NFKBIL1: variants seen among roughly 807,000 people sequenced by gnomAD.
NFKBIL1 encodes NFKB inhibitor like 1, also known as NF-kappa-B inhibitor-like protein 1.
In NFKBIL1, 30 loss-of-function variants were observed where a neutral mutation model predicts 45.4. The ratio of observed to expected loss-of-function variants is 0.66; its 90% CI spans 0.49 to 0.90. The LOEUF (loss-of-function observed/expected upper bound fraction) is 0.90, where lower values mean the gene tolerates loss of function less well. Among genes scored for constraint, NFKBIL1 ranks in the 40% least tolerant of loss-of-function variants. The pLI, the probability that NFKBIL1 is intolerant of heterozygous loss-of-function variation, is 0.00. For synonymous variants in NFKBIL1, 179 were observed against 197.3 expected (o/e 0.91, Z 0.78); for missense variants, 434 against 513.4 (o/e 0.85, Z 1.49).
At chr6:31,549,494 C>T (rs933786923) in intron 2 of NFKBIL1, among the ~76,000 whole-genome samples, 1 of 149,498 alleles carries the variant, frequency 6.7e-6, no homozygotes, top group Non-Finnish European at 1.5e-5. Flanking sequence ...TCAGGTGATC[C>T]ACCAACCTCA....
intron 2 of NFKBIL1, among the ~76,000 whole-genome samples, chr6:31,551,957 C>T (rs920080833): frequency 1.3e-5 from 2 of 151,956 alleles, no homozygotes; most frequent in African/African-American, 2.4e-5. Flanking sequence ...CCACCATGCC[C>T]GACTAACTTT....
intron 2 of NFKBIL1, among the ~76,000 whole-genome samples, chr6:31,556,084 C>T (rs985921067): frequency 1.4e-4 from 22 of 152,108 alleles, no homozygotes; most frequent in African/African-American, 5.3e-4. Context: ...GAATGTAAAC[C>T]TCCCATGCAA....
Position 31,548,211 on chromosome 6 carries a change from C to G in NFKBIL1, c.106C>G (p.Arg36Gly). Residue 36 changes from arginine to glycine, a missense_variant, in exon 2 of 4, where the codon CGC (arginine) becomes GGC (glycine). Coordinates refer to ENST00000376148, the MANE Select transcript of NFKBIL1 (RefSeq NM_005007.4). ...STSRRQRRERRFRRYLSAGRL... is the reference protein window; with the variant it reads ...STSRRQRRERGFRRYLSAGRL... ...TTCCCGCCGCCAACGCCGAGAACGT[C>G]GCTTTCGTCGTTACTTGTCTGCAGG... The G allele has an allele frequency of 6.2e-7, 1 of 1,613,158 alleles. No individual in the cohort carries two copies. The highest frequency in any genetic ancestry group is 8.5e-7 in the Non-Finnish European group (1 of 1,180,038).
intron 1 of NFKBIL1, among the ~76,000 whole-genome samples, 191 bp downstream of exon 1, chr6:31,547,942 T>C (rs111563849): frequency 6.6e-6 from 1 of 152,092 alleles, no homozygotes; most frequent in Non-Finnish European, 1.5e-5. Flanking sequence ...GAATTTTACA[T>C]TAAAAAAATT....
intron 2 of NFKBIL1, among the ~76,000 whole-genome samples, chr6:31,554,825 A>G (rs1254616960): frequency 6.6e-6 from 1 of 152,240 alleles, no homozygotes; most frequent in Non-Finnish European, 1.5e-5. Context: ...TTTTTGAAAC[A>G]AAGTCTATCG....
chr6:31,554,460 G>T (rs916801011), intron 2 of NFKBIL1, among the ~76,000 whole-genome samples: 3 of 151,850 alleles, frequency 2.0e-5, no homozygotes, highest in Non-Finnish European at 1.5e-5. Flanking sequence ...GAAAATGTTT[G>T]CAATATGTAT....
rs746967069 is a variant in NFKBIL1, at chr6:31,557,610, C to T, written c.335-18C>T. 11 of 1,490,070 alleles carry T rather than the reference C, an allele frequency of 7.4e-6. No individual in the cohort carries two copies. The highest frequency in any genetic ancestry group is 9.8e-6 in the Non-Finnish European group (11 of 1,116,952). 92.3% of individuals were successfully genotyped at this position (1,490,070 alleles called of 1,614,324 possible). On this transcript the variant is annotated intron_variant, in intron 2 of 3. Transcript: ENST00000376148. This position sits in a 1 kb window ranked among gnomAD's most constrained non-coding sequence, Gnocchi z 5.4. ...GGGAGTCCCAGCTAACTTCTGCTCC[C>T]TGCTCTCCCACCAACAGCCTACACC...
intron 2 of NFKBIL1, among the ~76,000 whole-genome samples, chr6:31,552,092 C>T (rs1238201030): frequency 5.9e-5 from 9 of 151,934 alleles, no homozygotes; most frequent in Non-Finnish European, 1.3e-4. Flanking sequence ...CCACCATGCC[C>T]GACCTAATTT....
At chr6:31,549,472 G>A (rs922565435) in intron 2 of NFKBIL1, among the ~76,000 whole-genome samples, 54 of 149,316 alleles carry the variant, frequency 3.6e-4, no homozygotes, top group Non-Finnish European at 6.8e-4. Context: ...AGCTGATCTC[G>A]AATGCCTGAC....
chr6:31,555,594 C>CCTCTCT (rs1219556919), intron 2 of NFKBIL1, among the ~76,000 whole-genome samples: 10 of 142,140 alleles, frequency 7.0e-5, no homozygotes, highest in African/African-American at 2.3e-4. Flanking sequence ...ATTATCTGAT[C>CCTCTCT]CTCTCTCTCT....
In NFKBIL1 at chr6:31,548,455, G is replaced by A. The variant is rs1769242149; in HGVS notation, c.334+16G>A. 6.7e-7 allele frequency: 1 copy of A among 1,491,748 alleles called. No homozygotes were observed. Among genetic ancestry groups the A allele is most frequent in the Non-Finnish European group, 8.9e-7 (1 of 1,127,796 alleles). The allele number at this position is 1,491,748 out of a possible 1,614,324, so 92.4% of individuals were successfully genotyped here. A position where few individuals can be genotyped will look rare whatever the true frequency, so the allele number is the denominator to read the frequency against. ...GGCCCAGATGGTGAGTCTGCTCAGT[G>A]GGGAACAAGGTCATAAGCAGCTGAC... On this transcript the variant is annotated intron_variant, in intron 2 of 3. Transcript: ENST00000376148.
chr6:31,547,591 G>C, upstream of NFKBIL1: 1 of 710,632 alleles, frequency 1.4e-6, no homozygotes, highest in Non-Finnish European at 2.3e-6. Flanking sequence ...ATTTCCTCCA[G>C]CCTGGAGTGT....
rs764486593 is a variant in NFKBIL1 at position 31,547,644 on chromosome 6, G to A, written c.-51G>A. Reference sequence around the variant, plus strand: ...CCCGTCTCCGAGCTTCTTAAACACAGGCCTTGGGCCTACGGCTCTGGGGGT... The same window carrying A: ...CCCGTCTCCGAGCTTCTTAAACACAAGCCTTGGGCCTACGGCTCTGGGGGT... On this transcript the variant is annotated 5_prime_UTR_variant, in exon 1 of 4. Coordinates refer to ENST00000376148, the MANE Select transcript of NFKBIL1 (RefSeq NM_005007.4). The A allele has an allele frequency of 1.4e-6, 2 of 1,393,766 alleles. No homozygotes were observed. Among genetic ancestry groups the A allele is most frequent in the Non-Finnish European group, 2.0e-6 (2 of 995,988 alleles). 86.3% of individuals were successfully genotyped at this position (1,393,766 alleles called of 1,614,324 possible). A position where few individuals can be genotyped will look rare whatever the true frequency, so the allele number is the denominator to read the frequency against.
At position 31,548,415 on chromosome 6, in the gene NFKBIL1, G is replaced by T; in HGVS notation, c.310G>T (p.Ala104Ser). 6.6e-7 allele frequency: 1 copy of T among 1,513,258 alleles called. No individual in the cohort carries two copies. The highest frequency in any genetic ancestry group is 1.3e-5 in the South Asian group (1 of 77,096). The allele number at this position is 1,513,258 out of a possible 1,614,324, so 93.7% of individuals were successfully genotyped here. A position where few individuals can be genotyped will look rare whatever the true frequency, so the allele number is the denominator to read the frequency against. ...CCGCCATGGGGACACGGCACTGCAT[G>T]CTGCTGCCCGCCAGGGCCCAGATGG... ...QDRHGDTALH[A>S]AARQGPDAYT... Residue 104 changes from alanine to serine, a missense_variant, in exon 2 of 4, where the codon GCT (alanine) becomes TCT (serine). Ala to Ser is a moderately conservative substitution (Grantham distance 99, BLOSUM62 1). This residue lies in a region of NFKBIL1 where 231 missense variants were observed against 264.1 expected (regional missense o/e 0.87). Coordinates refer to ENST00000376148, the MANE Select transcript of NFKBIL1 (RefSeq NM_005007.4).
At position 31,558,022 on chromosome 6, in the gene NFKBIL1, G is replaced by T; in HGVS notation, c.557G>T (p.Gly186Val). ...EWQEVMGRFEGDASHETQEPE... is the reference protein window; with the variant it reads ...EWQEVMGRFEVDASHETQEPE... ...ACCCCCATCCCACCCTCCCAAACAG[G>T]TGATGCCTCCCATGAAACCCAGGAA... Residue 186 changes from glycine (G) to valine (V), a missense_variant and splice_region_variant, in exon 4 of 4, where the codon GGT becomes GTT. Around this residue, in one of 4 missense-constraint regions of NFKBIL1, gnomAD observed 231 missense variants for 264.1 expected, o/e 0.87. Transcript: ENST00000376148. The surrounding 1 kb of genome is among the most constrained non-coding windows in gnomAD (Gnocchi z 7.2). The T allele has an allele frequency of 6.3e-7, 1 of 1,598,838 alleles. No individual in the cohort carries two copies. Among genetic ancestry groups the T allele is most frequent in the Non-Finnish European group, 8.5e-7 (1 of 1,171,732 alleles).
In NFKBIL1 at chr6:31,557,033, C is replaced by A. The variant is rs1769776315; in HGVS notation, c.335-595C>A. Among the ~76,000 whole-genome samples the A allele has an allele frequency of 6.6e-6, 1 of 151,782 alleles. No homozygotes were observed. Among genetic ancestry groups the A allele is most frequent in the South Asian group, 2.1e-4 (1 of 4,818 alleles). ...TGGGCACTGCCTTGGTGGCTGGAGG[C>A]AGGTCAGAAAATGTCAGTTGGCATG... On this transcript the variant is annotated intron_variant, in intron 2 of 3. Coordinates refer to ENST00000376148, the MANE Select transcript of NFKBIL1 (RefSeq NM_005007.4). This position sits in a 1 kb window ranked among gnomAD's most constrained non-coding sequence, Gnocchi z 5.4.
intron 2 of NFKBIL1, among the ~76,000 whole-genome samples, chr6:31,556,336 C>T (rs1052494638): frequency 6.6e-6 from 1 of 152,314 alleles, no homozygotes; most frequent in Admixed American, 6.5e-5. Context: ...TCCCCTATTC[C>T]AGCTTTCTGC....
chr6:31,552,270 T>TTC (rs1395838727), intron 2 of NFKBIL1, among the ~76,000 whole-genome samples: 27 of 17,108 alleles, frequency 1.6e-3, no homozygotes, highest in Non-Finnish European at 2.7e-3. Flanking sequence ...GTTTTCTGTT[T>TTC]TGTTTTGTTT....
intron 2 of NFKBIL1, among the ~76,000 whole-genome samples, chr6:31,552,397 C>T (rs1487942442): frequency 6.6e-6 from 1 of 152,036 alleles, no homozygotes; most frequent in African/African-American, 2.4e-5. Context: ...CTCAGCCTCC[C>T]AAGTAGCTGG....
Sources: gnomAD v4.1 joint callset for allele counts (sites outside exome capture counted in the v4.1 genomes callset) on GRCh38, gnomAD v4.1.1 for gene constraint, gnomAD v4.1.1 regional missense constraint, Gnocchi (gnomAD v3.1) non-coding constraint, MANE v1.5 for transcripts, NCBI Gene and HGNC (gene_info 2026-07-23, HGNC 2026-07-21) for gene names.